Variants in TNXB observed in about 807,000 individuals in gnomAD.
TNXB encodes the protein tenascin-X.
TNXB carries 183 observed loss-of-function variants against 340.5 expected under a neutral mutation model. That is an observed-to-expected ratio of 0.54 (90% confidence interval 0.48 to 0.61). The LOEUF (loss-of-function observed/expected upper bound fraction) is 0.61, where lower values mean the gene tolerates loss of function less well. Ranked by LOEUF, TNXB falls within the 20% of genes least tolerant of loss-of-function variation. TNXB has a pLI of 0.00. For missense variants in TNXB, 4,613 were observed against 5,446.4 expected (o/e 0.85, Z 4.82); for synonymous variants, 2,121 against 2,314.5 (o/e 0.92, Z 2.40).
chr6:32,046,185 C>A lies in TNXB; in HGVS notation c.10596G>T (p.Leu3532=). 6.3e-7 allele frequency: 1 copy of A among 1,583,260 alleles called. No individual in the cohort carries two copies. Among genetic ancestry groups the A allele is most frequent in the Non-Finnish European group, 8.6e-7 (1 of 1,159,624 alleles). Residue 3532 remains leucine, a synonymous_variant, in exon 31 of 44, where the codon CTG becomes CTT. Coordinates refer to ENST00000644971, the MANE Select transcript of TNXB (RefSeq NM_001365276.2). This position sits in a 1 kb window ranked among gnomAD's most constrained non-coding sequence, Gnocchi z 6.9. ...GGKRLGPVSA[L]GMTAPEEDTP... ...GCACAGCAGCCTCACCTGTCATTCC[C>A]AGGGCAGAGACCGGGCCCAGGCGCT...
Position 32,051,042 on chromosome 6 carries a change from A to G in TNXB, c.9116-721T>C, listed in dbSNP as rs1335828664. ...CTTCAGGACTATCTATTCACTGCAA[A>G]GGACACCCCACTCAATCCTCAGTAC... On this transcript the variant is annotated intron_variant, in intron 26 of 43. Coordinates refer to ENST00000644971, the MANE Select transcript of TNXB (RefSeq NM_001365276.2). The surrounding 1 kb of genome is among the most constrained non-coding windows in gnomAD (Gnocchi z 4.7). Among the ~76,000 whole-genome samples, 1 of 152,164 alleles carries G rather than the reference A, an allele frequency of 6.6e-6. No individual in the cohort carries two copies. Among genetic ancestry groups the G allele is most frequent in the African/African-American group, 2.4e-5 (1 of 41,424 alleles).
Position 32,047,422 on chromosome 6 carries a change from G to A in TNXB, c.10324+312C>T, listed in dbSNP as rs1776962882. 6.6e-6 allele frequency among the ~76,000 whole-genome samples: 1 copy of A among 152,256 alleles called. No individual in the cohort carries two copies. Among genetic ancestry groups the A allele is most frequent in the African/African-American group, 2.4e-5 (1 of 41,466 alleles). ...GCGCCATTCCCAGCATTATGCAGGTGAGGACACTGAGGTCCCGGGGATGAA... is the reference window on the plus strand; with the variant it reads ...GCGCCATTCCCAGCATTATGCAGGTAAGGACACTGAGGTCCCGGGGATGAA... On this transcript the variant is annotated intron_variant, in intron 30 of 43. Coordinates refer to ENST00000644971, the MANE Select transcript of TNXB (RefSeq NM_001365276.2). This position sits in a 1 kb window ranked among gnomAD's most constrained non-coding sequence, Gnocchi z 6.2.
At position 32,080,313 on chromosome 6, in the gene TNXB, C is replaced by A. The variant is rs987319274; in HGVS notation, c.4043-948G>T. On this transcript the variant is annotated intron_variant, in intron 10 of 43. Transcript: ENST00000644971. The surrounding 1 kb of genome is among the most constrained non-coding windows in gnomAD (Gnocchi z 4.3). ...GCAAGCTCCGCCTCCCGGGTTCACG[C>A]CATTCTCCTGCCTCATCCTCTTGAG... Among the ~76,000 whole-genome samples, 1 of 152,124 alleles carries A rather than the reference C, an allele frequency of 6.6e-6. No individual in the cohort carries two copies. The highest frequency in any genetic ancestry group is 6.5e-5 in the Admixed American group (1 of 15,274).
At position 32,070,245 on chromosome 6, in the gene TNXB, C is replaced by T. The variant is rs1461178587; in HGVS notation, c.5160G>A (p.Glu1720=). 8.1e-6 allele frequency: 13 copies of T among 1,612,818 alleles called. No individual in the cohort carries two copies. The highest frequency in any genetic ancestry group is 1.1e-5 in the Non-Finnish European group (13 of 1,179,554). The part of the protein sequence containing the change: ...DKDGPQVVPV[E]GHERSVTVTP... ...TGACAGTGACAGAGCGCTCATGGCC[C>T]TCCACGGGCACCACCTGGGGCCCGT... The change falls in exon 14 of 44, where the codon GAG becomes GAA. Residue 1720 remains glutamate, a synonymous_variant. Transcript: ENST00000644971. This position sits in a 1 kb window ranked among gnomAD's most constrained non-coding sequence, Gnocchi z 6.0.
In TNXB at chr6:32,067,285, T is replaced by C. The variant is rs1245925903; in HGVS notation, c.6544+376A>G. On this transcript the variant is annotated intron_variant, in intron 18 of 43. Coordinates refer to ENST00000644971, the MANE Select transcript of TNXB (RefSeq NM_001365276.2). The surrounding 1 kb of genome is among the most constrained non-coding windows in gnomAD (Gnocchi z 4.2). ...TTGAAGGAGGATGGCAGGGTCTTTG[T>C]ACTATTCTTTCTGTTTATACATTTG... 1.3e-5 allele frequency among the ~76,000 whole-genome samples: 2 copies of C among 152,234 alleles called. No individual in the cohort carries two copies. The highest frequency in any genetic ancestry group is 2.4e-5 in the African/African-American group (1 of 41,458).
Position 32,052,006 on chromosome 6 carries a change from C to T in TNXB, c.9115+664G>A, listed in dbSNP as rs1374282337. ...GTTCTGGAAGTGGAGGGTGACAGTC[C>T]ACAGCAATGTGAGTGGACTTCATGC... is the stretch of plus-strand genomic sequence containing the variant. On this transcript the variant is annotated intron_variant, in intron 26 of 43. Transcript: ENST00000644971. The surrounding 1 kb of genome is among the most constrained non-coding windows in gnomAD (Gnocchi z 4.7). 6.6e-6 allele frequency among the ~76,000 whole-genome samples: 1 copy of T among 151,994 alleles called. No homozygotes were observed. The highest frequency in any genetic ancestry group is 1.5e-5 in the Non-Finnish European group (1 of 67,998).
Position 32,084,185 on chromosome 6 carries a change from A to T in TNXB, c.3445+228T>A, listed in dbSNP as rs901621635. On this transcript the variant is annotated intron_variant, in intron 8 of 43. Transcript: ENST00000644971. This position sits in a 1 kb window ranked among gnomAD's most constrained non-coding sequence, Gnocchi z 5.5. ...CCAGCCAGAGGAAACTGTAACAGTG[A>T]TTCTCTTACTGGCCATGCTCTCCCC... Among the ~76,000 whole-genome samples the T allele has an allele frequency of 2.6e-5, 4 of 152,050 alleles. No homozygotes were observed. Among genetic ancestry groups the T allele is most frequent in the African/African-American group, 9.7e-5 (4 of 41,382 alleles).
rs549916883 is a variant in TNXB, at chr6:32,104,846, G to A, written c.-9+4335C>T. 2.0e-5 allele frequency among the ~76,000 whole-genome samples: 3 copies of A among 151,634 alleles called. No individual in the cohort carries two copies. The South Asian group carries it at 6.3e-4, about 32-fold the overall frequency. On this transcript the variant is annotated intron_variant, in intron 1 of 43. Transcript: ENST00000644971. ...AAGACAGGATCTTTCTATGTTGCTC[G>A]GGCTGGCCTTGAACTCTTGGACTCA...
In TNXB at chr6:32,047,859, G is replaced by A. The variant is rs777685355; in HGVS notation, c.10199C>T (p.Pro3400Leu). Reference sequence around the variant, plus strand: ...GACCTCCCGCTGGTTGGCTGCCACCGGCACCACCTGGAGCCGACCATCCTT... The same window carrying A: ...GACCTCCCGCTGGTTGGCTGCCACCAGCACCACCTGGAGCCGACCATCCTT... ...KDKDGRLQVVPVAANQREVTV... is the reference protein window; with the variant it reads ...KDKDGRLQVVLVAANQREVTV... Residue 3400 changes from proline to leucine, a missense_variant, in exon 30 of 44, where the codon CCG becomes CTG. By Grantham distance (98) the Pro-to-Leu change is moderately conservative (BLOSUM62 -3). Transcript: ENST00000644971. This position sits in a 1 kb window ranked among gnomAD's most constrained non-coding sequence, Gnocchi z 6.2. 41 of 1,612,074 alleles carry A rather than the reference G, an allele frequency of 2.5e-5. No homozygotes were observed. In the East Asian group the frequency reaches 4.0e-4, roughly 16 times the overall value.
chr6:32,089,823 C>CA lies in TNXB; in HGVS notation c.2359-445dup, dbSNP rs1392326834. Among the ~76,000 whole-genome samples the CA allele has an allele frequency of 6.6e-6, 1 of 152,214 alleles. No individual in the cohort carries two copies. Among genetic ancestry groups the CA allele is most frequent in the Non-Finnish European group, 1.5e-5 (1 of 68,030 alleles). ...ATCTGCCAGAATTCCACCCAACATGCACCAGGACTCTCCCTCCAGCTTTGC... is the reference window on the plus strand; with the variant it reads ...ATCTGCCAGAATTCCACCCAACATGCAACCAGGACTCTCCCTCCAGCTTTGC... On this transcript the variant is annotated intron_variant, in intron 4 of 43. Transcript: ENST00000644971. The surrounding 1 kb of genome is among the most constrained non-coding windows in gnomAD (Gnocchi z 6.2).
rs1215327401 is a variant in TNXB, at chr6:32,065,129, T to C, written c.6545-12A>G. On this transcript the variant is annotated splice_polypyrimidine_tract_variant and intron_variant, in intron 18 of 43. Coordinates refer to ENST00000644971, the MANE Select transcript of TNXB (RefSeq NM_001365276.2). ...CTCCTCTTCGGGGGCTAGGAAGAGATAGAAACAGAATCTTTTCTCTTGCTG... is the reference window on the plus strand; with the variant it reads ...CTCCTCTTCGGGGGCTAGGAAGAGACAGAAACAGAATCTTTTCTCTTGCTG... 3.9e-6 allele frequency: 6 copies of C among 1,541,666 alleles called. No homozygotes were observed. The highest frequency in any genetic ancestry group is 5.3e-6 in the Non-Finnish European group (6 of 1,140,510).
rs1013817223 is a variant in TNXB at position 32,073,473 on chromosome 6, A to T, written c.4681+174T>A. 1.3e-5 allele frequency among the ~76,000 whole-genome samples: 2 copies of T among 151,690 alleles called. No homozygotes were observed. The highest frequency in any genetic ancestry group is 2.9e-5 in the Non-Finnish European group (2 of 67,892). The stretch of plus-strand genomic sequence containing the variant: ...GGGCTGAGAAGGCTCTAGCCCTGGG[A>T]GGAGTAAAGGGGTCAGGGAACAGAA... On this transcript the variant is annotated intron_variant, in intron 12 of 43. Coordinates refer to ENST00000644971, the MANE Select transcript of TNXB (RefSeq NM_001365276.2). The surrounding 1 kb of genome is among the most constrained non-coding windows in gnomAD (Gnocchi z 4.6).
rs1439106921 is a variant in TNXB, at chr6:32,043,836, G to A, written c.11443C>T (p.Leu3815=). The A allele has an allele frequency of 6.2e-7, 1 of 1,613,508 alleles. No individual in the cohort carries two copies. Among genetic ancestry groups the A allele is most frequent in the East Asian group, 2.2e-5 (1 of 44,880 alleles). Residue 3815 remains leucine (L), a synonymous_variant, in exon 35 of 44, where the codon CTG becomes TTG. Transcript: ENST00000644971. ...ACCTCATAGCGAGCGCCTGGGATCA[G>A]CCCCTGGAGTTTCTGGGTCCGGGCC... ...GQARTQKLQG[L]IPGARYEVTV... is the part of the protein sequence containing the mutation.
In TNXB at chr6:32,069,653, G is replaced by A. The variant is rs1165566436; in HGVS notation, c.5487C>T (p.Val1829=). 1 of 1,612,952 alleles carries A rather than the reference G, an allele frequency of 6.2e-7. No homozygotes were observed. Among genetic ancestry groups the A allele is most frequent in the Non-Finnish European group, 8.5e-7 (1 of 1,179,584 alleles). Residue 1829 remains valine, a synonymous_variant, in exon 15 of 44, where the codon GTC becomes GTT. Transcript: ENST00000644971. This position sits in a 1 kb window ranked among gnomAD's most constrained non-coding sequence, Gnocchi z 6.2. ...GGGCAGGGTCCAGGCCCGGCACGCT[G>A]ACCTCCCTGAGGCTGCCCTCCACGG... ...VVPVEGSLRE[V]SVPGLDPAHR...
At chr6:32,107,239 T>C (rs1006955086) in intron 1 of TNXB, among the ~76,000 whole-genome samples, 1 of 152,178 alleles carries the variant, frequency 6.6e-6, no homozygotes, top group African/African-American at 2.4e-5. Context: ...AATAAGTGGA[T>C]TCCTCATCTT....
chr6:32,046,271 C>T lies in TNXB; in HGVS notation c.10510G>A (p.Val3504Ile), dbSNP rs759767266. 48 of 1,606,202 alleles carry T rather than the reference C, an allele frequency of 3.0e-5. No individual in the cohort carries two copies. In the African/African-American group the frequency reaches 4.0e-4, roughly 13 times the overall value. Residue 3504 changes from valine (V) to isoleucine (I), a missense_variant, in exon 31 of 44, where the codon GTA becomes ATA. Physicochemically the swap from Val to Ile is conservative, Grantham distance 29. This residue lies in a region of TNXB where 4,327 missense variants were observed against 4,859.4 expected (regional missense o/e 0.89). Coordinates refer to ENST00000644971, the MANE Select transcript of TNXB (RefSeq NM_001365276.2). This position sits in a 1 kb window ranked among gnomAD's most constrained non-coding sequence, Gnocchi z 6.9. ...PVAADQRTVT[V>I]EDLEPGKKYK... ...TTCTTGCCAGGCTCCAGGTCCTCTA[C>T]GGTGACTGTGCGCTGGTCTGCGGCC...
Position 32,081,275 on chromosome 6 carries a change from G to T in TNXB, c.4042+93C>A. 3 of 1,300,310 alleles carry T rather than the reference G, an allele frequency of 2.3e-6. No homozygotes were observed. The highest frequency in any genetic ancestry group is 2.1e-6 in the Non-Finnish European group (2 of 952,340). 80.5% of individuals were successfully genotyped at this position (1,300,310 alleles called of 1,614,324 possible). A position where few individuals can be genotyped will look rare whatever the true frequency, so the allele number is the denominator to read the frequency against. ...GGCTTTGGCAAAATGAGCTGAGAAGGCGAAGATGGAGGGAGGCTGGAAGGA... is the reference window on the plus strand; with the variant it reads ...GGCTTTGGCAAAATGAGCTGAGAAGTCGAAGATGGAGGGAGGCTGGAAGGA... On this transcript the variant is annotated intron_variant, in intron 10 of 43. Coordinates refer to ENST00000644971, the MANE Select transcript of TNXB (RefSeq NM_001365276.2). This position sits in a 1 kb window ranked among gnomAD's most constrained non-coding sequence, Gnocchi z 5.1.
At chr6:32,057,758 C>T (rs1333519503) in intron 22 of TNXB, among the ~76,000 whole-genome samples, 1 of 152,224 alleles carries the variant, frequency 6.6e-6, no homozygotes, top group African/African-American at 2.4e-5. Context: ...AAAGCTGTCA[C>T]CAAGCTAAGG....
rs769751541 is a variant in TNXB, at chr6:32,088,955, A to G, written c.2609T>C (p.Phe870Ser). The change falls in exon 6 of 44, where the codon TTT (phenylalanine) becomes TCT (serine). Residue 870 changes from phenylalanine (F) to serine (S), a missense_variant. Coordinates refer to ENST00000644971, the MANE Select transcript of TNXB (RefSeq NM_001365276.2). Reference sequence around the variant, plus strand: ...GCCGGCACTGACGTAGGACACCACAAATCGGTCCACCTCAGCCTGGGGACG... The same window carrying G: ...GCCGGCACTGACGTAGGACACCACAGATCGGTCCACCTCAGCCTGGGGACG... ...WLRPQAEVDR[F>S]VVSYVSAGNQ... 6.2e-7 allele frequency: 1 copy of G among 1,609,142 alleles called. No homozygotes were observed. Among genetic ancestry groups the G allele is most frequent in the Non-Finnish European group, 8.5e-7 (1 of 1,177,988 alleles).
Sources: gnomAD v4.1 joint callset for allele counts (sites outside exome capture counted in the v4.1 genomes callset) on GRCh38, gnomAD v4.1.1 for gene constraint, gnomAD v4.1.1 regional missense constraint, Gnocchi (gnomAD v3.1) non-coding constraint, MANE v1.5 for transcripts, NCBI Gene and HGNC (gene_info 2026-07-23, HGNC 2026-07-21) for gene names.